The following PRIM2 variants were observed in gnomAD, a reference collection of about 807,000 sequenced individuals.
PRIM2 encodes DNA primase subunit 2.
PRIM2 carries 39 observed loss-of-function variants against 67.3 expected under a neutral mutation model. That is an observed-to-expected ratio of 0.58 (90% confidence interval 0.45 to 0.76). The LOEUF (loss-of-function observed/expected upper bound fraction) is 0.76, where lower values mean the gene tolerates loss of function less well. Ranked by LOEUF, PRIM2 falls within the 30% of genes least tolerant of loss-of-function variation. PRIM2 has a pLI of 0.00. For missense variants in PRIM2, 398 were observed against 598.7 expected (o/e 0.66, Z 3.50); for synonymous variants, 143 against 198.7 (o/e 0.72, Z 2.36).
At chr6:57,332,907 A>AT (rs1187652130) in intron 5 of PRIM2, among the ~76,000 whole-genome samples, 2 of 151,942 alleles carry the variant, frequency 1.3e-5, no homozygotes, top group African/African-American at 4.8e-5. Context: ...TGTGCCATCT[A>AT]TGTGTTTCCT....
chr6:57,381,602 T>C (rs905520516), intron 6 of PRIM2, among the ~76,000 whole-genome samples: 14 of 151,498 alleles, frequency 9.2e-5, no homozygotes, highest in East Asian at 1.9e-4. Context: ...CATGAAGAAA[T>C]TGGAATTTAC....
At chr6:57,434,550 A>G (rs1253186212) in intron 7 of PRIM2, among the ~76,000 whole-genome samples, 19 of 152,222 alleles carry the variant, frequency 1.2e-4, no homozygotes. Context: ...CAAGGAAGTT[A>G]CGTTTCTGAA....
At chr6:57,554,106 G>A (rs1775460370) in intron 10 of PRIM2, among the ~76,000 whole-genome samples, 1 of 151,614 alleles carries the variant, frequency 6.6e-6, no homozygotes, top group African/African-American at 2.4e-5. Flanking sequence ...CTTACATAAA[G>A]GATGCAATTT....
the PRIM2 span, among the ~76,000 whole-genome samples, chr6:57,252,759 T>C: frequency 1.3e-5 from 2 of 152,166 alleles, no homozygotes; most frequent in African/African-American, 2.4e-5. Flanking sequence ...GCCTTCTTAA[T>C]TGCAACTCTG....
At chr6:57,444,603 A>C (rs1256331602) in intron 7 of PRIM2, among the ~76,000 whole-genome samples, 1 of 150,962 alleles carries the variant, frequency 6.6e-6, no homozygotes, top group Non-Finnish European at 1.5e-5. Flanking sequence ...TATAATGTCT[A>C]TGTTAAATTT....
intron 5 of PRIM2, among the ~76,000 whole-genome samples, chr6:57,349,323 C>T (rs1180617553): frequency 6.6e-6 from 1 of 150,988 alleles, no homozygotes; most frequent in African/African-American, 2.4e-5. Flanking sequence ...AATGCACACA[C>T]CGTGTCAGTT....
the PRIM2 span, among the ~76,000 whole-genome samples, chr6:57,245,027 G>A: frequency 6.6e-6 from 1 of 152,212 alleles, no homozygotes; most frequent in African/African-American, 2.4e-5. Context: ...GATGGCTCCC[G>A]GCAGGGAAGA....
chr6:57,377,216 T>TG (rs1266626267), intron 5 of PRIM2, among the ~76,000 whole-genome samples: 1 of 152,162 alleles, frequency 6.6e-6, no homozygotes, highest in African/African-American at 2.4e-5. Flanking sequence ...TCCAGAAACC[T>TG]GACTCAATTA....
chr6:57,501,211 TTC>T (rs1386461894), intron 7 of PRIM2, among the ~76,000 whole-genome samples: 15 of 152,230 alleles, frequency 9.9e-5, no homozygotes, highest in African/African-American at 3.6e-4. Flanking sequence ...AAAAAATATT[TTC>T]TGTTTGCTTT....
At chr6:57,604,846 A>G (rs1195061871) in intron 11 of PRIM2, among the ~76,000 whole-genome samples, 5 of 152,002 alleles carry the variant, frequency 3.3e-5, no homozygotes, top group Admixed American at 2.0e-4. Flanking sequence ...GCCTGCCGCC[A>G]TGCCCAGCTA....
intron 5 of PRIM2, among the ~76,000 whole-genome samples, chr6:57,379,599 A>G (rs1243496011): frequency 1.3e-5 from 2 of 152,168 alleles, no homozygotes; most frequent in Admixed American, 6.5e-5. Flanking sequence ...CTGAGTTTTT[A>G]TGATAAGTTT....
intron 7 of PRIM2, chr6:57,497,839 T>G (rs1774038999): frequency 6.6e-6 from 1 of 152,154 alleles, no homozygotes; most frequent in Non-Finnish European, 1.5e-5. Context: ...TAGACTGTTA[T>G]GATTAGTGAT....
chr6:57,266,818 A>G, the PRIM2 span, among the ~76,000 whole-genome samples: 7 of 152,184 alleles, frequency 4.6e-5, no homozygotes, highest in Non-Finnish European at 7.4e-5. Flanking sequence ...GATCTCTTTT[A>G]GCTCAGTTTC....
chr6:57,302,047 C>T, the PRIM2 span, among the ~76,000 whole-genome samples: 188 of 152,312 alleles, frequency 1.2e-3, 1 homozygote, highest in African/African-American at 4.4e-3. Flanking sequence ...CTTTCAGTCT[C>T]ACTCTTAGGG....
intron 10 of PRIM2, among the ~76,000 whole-genome samples, chr6:57,552,918 A>G (rs2127475475): frequency 6.6e-6 from 1 of 152,280 alleles, no homozygotes; most frequent in African/African-American, 2.4e-5. Context: ...TGTGATGAAC[A>G]TTCATCTCAG....
the PRIM2 span, among the ~76,000 whole-genome samples, chr6:57,309,610 A>G: frequency 6.6e-6 from 1 of 152,072 alleles, no homozygotes; most frequent in Non-Finnish European, 1.5e-5. Flanking sequence ...ATTGTGAATA[A>G]TGCTGCAATA....
intron 12 of PRIM2, among the ~76,000 whole-genome samples, chr6:57,613,720 A>T (rs1371813056): frequency 6.6e-6 from 1 of 152,230 alleles, no homozygotes; most frequent in Non-Finnish European, 1.5e-5. Context: ...CCCACAGAGC[A>T]ACATGAAGGC....
chr6:57,604,380 G>T (rs1776524068), intron 11 of PRIM2, among the ~76,000 whole-genome samples: 1 of 152,086 alleles, frequency 6.6e-6, no homozygotes, highest in Non-Finnish European at 1.5e-5. Flanking sequence ...CATTCTTTAG[G>T]GTTTTCTAGG....
chr6:57,586,128 G>A (rs1358298251), intron 10 of PRIM2, among the ~76,000 whole-genome samples: 1 of 152,142 alleles, frequency 6.6e-6, no homozygotes, highest in Non-Finnish European at 1.5e-5. Context: ...GAGAGAAATT[G>A]TGGGGAATCA....
Sources: gnomAD v4.1 joint callset for allele counts (sites outside exome capture counted in the v4.1 genomes callset) on GRCh38, gnomAD v4.1.1 for gene constraint, MANE v1.5 for transcripts, NCBI Gene and HGNC (gene_info 2026-07-23, HGNC 2026-07-21) for gene names.